OLFM3: variants seen among roughly 807,000 people sequenced by gnomAD.
OLFM3 encodes noelin-3.
OLFM3 carries 20 observed loss-of-function variants against 48.6 expected under a neutral mutation model. The ratio of observed to expected loss-of-function variants is 0.41; its 90% CI spans 0.29 to 0.60. OLFM3 has a LOEUF of 0.60. Ranked by LOEUF, OLFM3 falls within the 20% of genes least tolerant of loss-of-function variation. The pLI, the probability that OLFM3 is intolerant of heterozygous loss-of-function variation, is 0.28. For synonymous variants in OLFM3, 222 were observed against 198.1 expected (o/e 1.12, Z -1.01); for missense variants, 437 against 544.3 (o/e 0.80, Z 1.96).
At chr1:101,825,517 A>G (rs115829221) in intron 3 of OLFM3, among the ~76,000 whole-genome samples, 135 of 152,294 alleles carry the variant, frequency 8.9e-4, no homozygotes, top group Admixed American at 7.1e-3. Context: ...AAAACTTCCT[A>G]TGGTAGAAAC....
chr1:101,960,103 G>A (rs904619383), intron 1 of OLFM3, among the ~76,000 whole-genome samples: 1 of 152,120 alleles, frequency 6.6e-6, no homozygotes, highest in African/African-American at 2.4e-5. Context: ...GCTTATGGAG[G>A]AAACGGGGCT....
intron 1 of OLFM3, among the ~76,000 whole-genome samples, chr1:101,929,122 T>C (rs527604902): frequency 1.3e-5 from 2 of 152,274 alleles, no homozygotes; most frequent in Admixed American, 1.3e-4. Flanking sequence ...TCATTAGTGA[T>C]GGATTTCTAG....
chr1:101,907,575 G>A (rs1479761588), intron 1 of OLFM3, among the ~76,000 whole-genome samples: 1 of 152,194 alleles, frequency 6.6e-6, no homozygotes, highest in Non-Finnish European at 1.5e-5. Context: ...AAGAGGGGAC[G>A]GAGATGATGT....
chr1:101,938,277 T>G (rs920055403), intron 1 of OLFM3, among the ~76,000 whole-genome samples: 1 of 152,196 alleles, frequency 6.6e-6, no homozygotes, highest in Non-Finnish European at 1.5e-5. Flanking sequence ...TGTGCAATCT[T>G]TTACACATAG....
At chr1:101,814,899 C>T (rs370432119) in intron 4 of OLFM3, among the ~76,000 whole-genome samples, 26 of 152,230 alleles carry the variant, frequency 1.7e-4, no homozygotes, top group Middle Eastern at 6.8e-3. Context: ...GGCCTTAATA[C>T]GCTTGATGAA....
At position 101,840,078 on chromosome 1, in the gene OLFM3, A is replaced by G. The variant is rs561221338; in HGVS notation, c.70-3053T>C. 2.6e-4 allele frequency among the ~76,000 whole-genome samples: 40 copies of G among 152,282 alleles called. No individual in the cohort carries two copies. The South Asian group carries it at 8.1e-3, about 31-fold the overall frequency. Reference sequence around the variant, plus strand: ...TCTAGTGTTCTCTTTTAGAGAATCCATGCTGGCATTGAAAAGAGAATCAAA... The same window carrying G: ...TCTAGTGTTCTCTTTTAGAGAATCCGTGCTGGCATTGAAAAGAGAATCAAA... On this transcript the variant is annotated intron_variant, in intron 1 of 5. Coordinates refer to ENST00000370103, the MANE Select transcript of OLFM3 (RefSeq NM_058170.4).
intron 1 of OLFM3, among the ~76,000 whole-genome samples, chr1:101,841,106 G>C (rs1424748069): frequency 6.6e-6 from 1 of 152,156 alleles, no homozygotes; most frequent in Non-Finnish European, 1.5e-5. Flanking sequence ...TAAATATAAA[G>C]CTAGTATATG....
chr1:101,862,871 G>A (rs933647759), intron 1 of OLFM3, among the ~76,000 whole-genome samples: 1 of 152,098 alleles, frequency 6.6e-6, no homozygotes, highest in African/African-American at 2.4e-5. Flanking sequence ...ATTAAAAATA[G>A]GCATAAATAT....
At chr1:101,913,671 C>T (rs1407565503) in intron 1 of OLFM3, among the ~76,000 whole-genome samples, 1 of 136,180 alleles carries the variant, frequency 7.3e-6, no homozygotes, top group Non-Finnish European at 1.6e-5. Context: ...AACCTTAATC[C>T]TAAAAGCCCT....
intron 1 of OLFM3, among the ~76,000 whole-genome samples, chr1:101,926,005 T>C (rs1659260204): frequency 6.6e-6 from 1 of 152,188 alleles, no homozygotes; most frequent in Non-Finnish European, 1.5e-5. Flanking sequence ...GTGTCAAGGA[T>C]GCAGAGAAGT....
At chr1:101,974,289 G>T (rs1660889156) in intron 1 of OLFM3, among the ~76,000 whole-genome samples, 1 of 151,762 alleles carries the variant, frequency 6.6e-6, no homozygotes. Context: ...GCATGAGAGG[G>T]TAAATGGATT....
At chr1:101,851,305 A>G (rs1049320543) in intron 1 of OLFM3, among the ~76,000 whole-genome samples, 1 of 152,202 alleles carries the variant, frequency 6.6e-6, no homozygotes, top group Non-Finnish European at 1.5e-5. Flanking sequence ...AAATGAAGAT[A>G]GAAGCACCAA....
At chr1:101,886,126 G>A (rs1415104) in intron 1 of OLFM3, among the ~76,000 whole-genome samples, 71,763 of 151,862 alleles carry the variant, frequency 0.47, 17,504 homozygotes, top group Non-Finnish European at 0.55. Flanking sequence ...AAACAAAGGT[G>A]TTTGTCTTTT....
At chr1:101,831,688 A>G (rs1655158668) in intron 2 of OLFM3, among the ~76,000 whole-genome samples, 1 of 152,210 alleles carries the variant, frequency 6.6e-6, no homozygotes, top group Non-Finnish European at 1.5e-5. Context: ...TACTCAAAGC[A>G]ACAATTTTGG....
chr1:101,966,969 C>G (rs1257824009), intron 1 of OLFM3, among the ~76,000 whole-genome samples: 2 of 152,124 alleles, frequency 1.3e-5, no homozygotes, highest in Non-Finnish European at 2.9e-5. Flanking sequence ...GAAATTAGGG[C>G]AAATGTGGTT....
intron 1 of OLFM3, among the ~76,000 whole-genome samples, chr1:101,890,736 A>G (rs1657960929): frequency 6.6e-6 from 1 of 152,030 alleles, no homozygotes; most frequent in Non-Finnish European, 1.5e-5. Context: ...AGTAGTACTG[A>G]ATATAATGAA....
At chr1:101,818,447 C>T (rs1407211497) in intron 4 of OLFM3, among the ~76,000 whole-genome samples, 3 of 152,070 alleles carry the variant, frequency 2.0e-5, no homozygotes, top group Non-Finnish European at 4.4e-5. Flanking sequence ...TTCTATTTTA[C>T]AACCTAGAAT....
chr1:101,939,466 A>G (rs1200128347), intron 1 of OLFM3, among the ~76,000 whole-genome samples: 1 of 152,166 alleles, frequency 6.6e-6, no homozygotes, highest in Non-Finnish European at 1.5e-5. Context: ...TAACAATAGT[A>G]GATATAAAAA....
At chr1:101,987,046 T>G (rs1661262390) in intron 1 of OLFM3, among the ~76,000 whole-genome samples, 1 of 152,238 alleles carries the variant, frequency 6.6e-6, no homozygotes, top group Non-Finnish European at 1.5e-5. Context: ...TATAAACTCA[T>G]TTGTAATTTT....
Sources: allele counts gnomAD v4.1 joint callset (sites outside exome capture counted in the v4.1 genomes callset), GRCh38; gene constraint gnomAD v4.1.1; transcripts MANE v1.5; gene names NCBI Gene and HGNC (gene_info 2026-07-23, HGNC 2026-07-21).